Variants in ARL13B observed in about 807,000 individuals in gnomAD.
ARL13B encodes ARF like GTPase 13B, also known as ADP-ribosylation factor-like protein 13B.
ARL13B carries 36 observed loss-of-function variants against 56.1 expected under a neutral mutation model. The ratio of observed to expected loss-of-function variants is 0.64; its 90% CI spans 0.49 to 0.85. ARL13B has a LOEUF of 0.85. ARL13B is among the 40% of genes least tolerant of loss of function. The pLI, the probability that ARL13B is intolerant of heterozygous loss-of-function variation, is 0.00. For missense variants in ARL13B, 519 were observed against 507.1 expected (o/e 1.02, Z -0.23); for synonymous variants, 178 against 171.1 (o/e 1.04, Z -0.32).
At chr3:94,047,241 A>G (rs1376185734) in intron 7 of ARL13B, among the ~76,000 whole-genome samples, 1 of 152,220 alleles carries the variant, frequency 6.6e-6, no homozygotes, top group Non-Finnish European at 1.5e-5. Context: ...TTCCTGAGAT[A>G]CAGATTAGCT....
chr3:93,996,920 A>G (rs751562241), intron 2 of ARL13B, among the ~76,000 whole-genome samples: 3 of 152,058 alleles, frequency 2.0e-5, no homozygotes, highest in Non-Finnish European at 4.4e-5. Flanking sequence ...CATTACTCAC[A>G]TTACTGCCTG....
At chr3:93,998,939 T>A (rs1357002243) in intron 2 of ARL13B, among the ~76,000 whole-genome samples, 2 of 150,862 alleles carry the variant, frequency 1.3e-5, no homozygotes, top group African/African-American at 4.9e-5. Flanking sequence ...TTTTTTTTTT[T>A]ATTTCCGTGT....
Position 94,042,733 on chromosome 3 carries a change from T to TATA in ARL13B, c.799-281_799-280insTAA, listed in dbSNP as rs1289565658. 3.3e-5 allele frequency among the ~76,000 whole-genome samples: 5 copies of TATA among 152,188 alleles called. No individual in the cohort carries two copies. In the East Asian group the frequency reaches 9.6e-4, roughly 29 times the overall value. ...AGAAAATCATCTCTTAGTGATTATA[T>TATA]ACTGAACAGATTATATACGGAATAA... is the stretch of plus-strand genomic sequence containing the variant. On this transcript the variant is annotated intron_variant, in intron 6 of 9. Transcript: ENST00000394222.
chr3:94,039,713 G>C (rs919503982), intron 5 of ARL13B, among the ~76,000 whole-genome samples, 167 bp from the exon 6 acceptor site: 2 of 152,048 alleles, frequency 1.3e-5, no homozygotes, highest in African/African-American at 4.8e-5. Flanking sequence ...ATGGGAGGAA[G>C]CAGCCTCTTA....
chr3:93,981,711 G>A (rs1312256586), intron 1 of ARL13B, among the ~76,000 whole-genome samples: 3 of 151,494 alleles, frequency 2.0e-5, no homozygotes, highest in African/African-American at 7.3e-5. Context: ...GCGAAACCCC[G>A]TTTCTACAAT....
At chr3:93,988,251 A>C (rs1452723158) in intron 1 of ARL13B, among the ~76,000 whole-genome samples, 1 of 152,160 alleles carries the variant, frequency 6.6e-6, no homozygotes, top group Non-Finnish European at 1.5e-5. Flanking sequence ...AAAAAAAAAA[A>C]AACATGGCAA....
At chr3:94,043,296 T>A (rs758137126) in intron 7 of ARL13B, 56 bp downstream of exon 7, 1 of 1,414,526 alleles carries the variant, frequency 7.1e-7, no homozygotes, top group East Asian at 2.5e-5. Flanking sequence ...ATAAAACTTA[T>A]ACTTCATCTC....
intron 3 of ARL13B, among the ~76,000 whole-genome samples, chr3:94,029,502 C>T (rs539099071): frequency 2.0e-5 from 3 of 151,300 alleles, no homozygotes; most frequent in Admixed American, 1.3e-4. Flanking sequence ...TGCCTGCCAC[C>T]ACGCCCAGCT....
intron 1 of ARL13B, among the ~76,000 whole-genome samples, chr3:93,993,764 C>A (rs184237477): frequency 5.1e-4 from 78 of 152,258 alleles, no homozygotes; most frequent in African/African-American, 1.6e-3. Context: ...TAGTATCTTG[C>A]AGCTTCCTTA....
At chr3:93,980,529 C>A in intron 1 of ARL13B, 47 bp downstream of exon 1, 1 of 1,603,100 alleles carries the variant, frequency 6.2e-7, no homozygotes. Flanking sequence ...TTGGAGATGG[C>A]TGCGCCCCAG....
At chr3:94,051,428 A>G (rs1439965198) in intron 9 of ARL13B, among the ~76,000 whole-genome samples, 1 of 152,120 alleles carries the variant, frequency 6.6e-6, no homozygotes, top group African/African-American at 2.4e-5. Context: ...TAACATTTTT[A>G]TTGAATTAAG....
chr3:94,004,550 T>A (rs926556538), intron 3 of ARL13B, among the ~76,000 whole-genome samples: 1 of 152,082 alleles, frequency 6.6e-6, no homozygotes, highest in Non-Finnish European at 1.5e-5. Flanking sequence ...TTTAAATTGC[T>A]CTTTAACTTG....
intron 6 of ARL13B, among the ~76,000 whole-genome samples, chr3:94,042,617 C>T (rs1209427014): frequency 6.6e-6 from 1 of 151,916 alleles, no homozygotes; most frequent in Non-Finnish European, 1.5e-5. Context: ...ACAACAAATA[C>T]ATAAGTATAT....
intron 3 of ARL13B, among the ~76,000 whole-genome samples, chr3:94,032,858 TG>T (rs542276852): frequency 6.6e-4 from 101 of 152,332 alleles, no homozygotes; most frequent in Non-Finnish European, 8.2e-4. Flanking sequence ...ACCTCACTAC[TG>T]GGTACCTATC....
chr3:94,020,649 T>C (rs1168230723), intron 3 of ARL13B, among the ~76,000 whole-genome samples: 1 of 152,202 alleles, frequency 6.6e-6, no homozygotes, highest in Non-Finnish European at 1.5e-5. Flanking sequence ...TTTATAGATA[T>C]TAAAAGTTTA....
At chr3:94,014,449 T>C in intron 3 of ARL13B, 3 of 1,598,200 alleles carry the variant, frequency 1.9e-6, no homozygotes, top group East Asian at 2.2e-5. Flanking sequence ...TCTTTTTTTG[T>C]ATTTTACAGC....
intron 3 of ARL13B, among the ~76,000 whole-genome samples, chr3:94,018,255 G>A (rs2076373687): frequency 6.6e-6 from 1 of 151,478 alleles, no homozygotes; most frequent in Non-Finnish European, 1.5e-5. Context: ...GTTTCCTGGG[G>A]AGGGGGTGGG....
chr3:93,991,494 C>T (rs2107359824), intron 1 of ARL13B, among the ~76,000 whole-genome samples: 1 of 152,276 alleles, frequency 6.6e-6, no homozygotes, highest in South Asian at 2.1e-4. Context: ...CCCACCTCAG[C>T]CTTCCGAGTA....
At chr3:93,991,969 G>A (rs1047313284) in intron 1 of ARL13B, among the ~76,000 whole-genome samples, 2 of 152,114 alleles carry the variant, frequency 1.3e-5, no homozygotes, top group Non-Finnish European at 2.9e-5. Context: ...AGTTGCAAAG[G>A]TAGTAAAAGT....
Sources: gnomAD v4.1 joint callset for allele counts (sites outside exome capture counted in the v4.1 genomes callset) on GRCh38, gnomAD v4.1.1 for gene constraint, MANE v1.5 for transcripts, NCBI Gene and HGNC (gene_info 2026-07-23, HGNC 2026-07-21) for gene names.